RTN1: variants seen among roughly 807,000 people sequenced by gnomAD.
RTN1 encodes the protein reticulon-1.
RTN1 carries 25 observed loss-of-function variants against 65.5 expected under a neutral mutation model. That is an observed-to-expected ratio of 0.38 (90% CI 0.28 to 0.53). The LOEUF (loss-of-function observed/expected upper bound fraction) is 0.53, where lower values mean the gene tolerates loss of function less well. RTN1 is among the 20% of genes least tolerant of loss of function. RTN1 has a pLI of 0.79. For missense variants in RTN1, 983 were observed against 1,025.4 expected (o/e 0.96, Z 0.57); for synonymous variants, 471 against 447.6 (o/e 1.05, Z -0.66).
In RTN1 at chr14:59,633,682, C is replaced by T. The variant is rs146865836; in HGVS notation, c.1766-26190G>A. Among the ~76,000 whole-genome samples the T allele has an allele frequency of 1.1e-3, 174 of 152,350 alleles. 1 individual carries two copies. The highest frequency in any genetic ancestry group is 3.8e-3 in the African/African-American group (158 of 41,580). On this transcript the variant is annotated intron_variant, in intron 3 of 8. Transcript: ENST00000267484. ...TATCTTTAAACCAGTAGAGAACAGA[C>T]GGGCTTTATCTGCAGCCAGCTTAGA...
chr14:59,728,093 T>C (rs1395426303), intron 2 of RTN1, among the ~76,000 whole-genome samples: 1 of 152,164 alleles, frequency 6.6e-6, no homozygotes, highest in African/African-American at 2.4e-5. Context: ...TACAGCACTC[T>C]AATTGGGCCC....
At chr14:59,725,177 A>C (rs1884731514) in intron 3 of RTN1, among the ~76,000 whole-genome samples, 2 of 152,304 alleles carry the variant, frequency 1.3e-5, no homozygotes, top group South Asian at 2.1e-4. Context: ...TCAGCTCTTC[A>C]TCAGGTGTCT....
intron 2 of RTN1, among the ~76,000 whole-genome samples, chr14:59,736,871 C>A (rs1594710250): frequency 7.9e-6 from 1 of 126,612 alleles, no homozygotes; most frequent in Non-Finnish European, 1.7e-5. Context: ...ATATGCAAAT[C>A]AAAACATGTG....
At chr14:59,643,387 T>C (rs1447560693) in intron 3 of RTN1, among the ~76,000 whole-genome samples, 1 of 152,194 alleles carries the variant, frequency 6.6e-6, no homozygotes, top group African/African-American at 2.4e-5. Context: ...GCCTGGCTAA[T>C]TTTTGTATTT....
intron 1 of RTN1, among the ~76,000 whole-genome samples, chr14:59,792,770 C>G (rs1283119569): frequency 6.6e-6 from 1 of 152,058 alleles, no homozygotes; most frequent in Non-Finnish European, 1.5e-5. Context: ...TCAGAAAATA[C>G]TAGTAGGAAG....
At chr14:59,767,982 C>G (rs1013811732) in intron 1 of RTN1, among the ~76,000 whole-genome samples, 2 of 152,328 alleles carry the variant, frequency 1.3e-5, no homozygotes, top group Non-Finnish European at 2.9e-5. Flanking sequence ...TATAGTCACA[C>G]TATCTGTCAG....
intron 1 of RTN1, among the ~76,000 whole-genome samples, chr14:59,830,978 T>A (rs1168175449): frequency 2.0e-5 from 3 of 152,226 alleles, no homozygotes; most frequent in Admixed American, 6.5e-5. Flanking sequence ...TAAGTATGTT[T>A]TAGATCAGTT....
At chr14:59,758,180 G>A (rs1885677671) in intron 1 of RTN1, among the ~76,000 whole-genome samples, 1 of 151,964 alleles carries the variant, frequency 6.6e-6, no homozygotes, top group South Asian at 2.1e-4. Flanking sequence ...TACCTCCCTA[G>A]ACAGACACTT....
chr14:59,726,831 C>G, intron 3 of RTN1, 88 bp downstream of exon 3: 1 of 1,164,428 alleles, frequency 8.6e-7, no homozygotes, highest in Non-Finnish European at 1.2e-6. Flanking sequence ...GGGATGACTC[C>G]AGGGCTGAGC....
At chr14:59,776,294 T>A (rs1227515537) in intron 1 of RTN1, among the ~76,000 whole-genome samples, 1 of 152,086 alleles carries the variant, frequency 6.6e-6, no homozygotes, top group African/African-American at 2.4e-5. Context: ...CATGCCTTCA[T>A]GAAGGATTAA....
At chr14:59,715,867 G>GAA (rs1245291660) in intron 3 of RTN1, among the ~76,000 whole-genome samples, 13 of 149,848 alleles carry the variant, frequency 8.7e-5, no homozygotes, top group Non-Finnish European at 3.0e-5. Context: ...AGAGAAGGAA[G>GAA]AAAATAAAAG....
At chr14:59,701,258 T>G (rs1249148853) in intron 3 of RTN1, among the ~76,000 whole-genome samples, 2 of 152,214 alleles carry the variant, frequency 1.3e-5, no homozygotes, top group East Asian at 3.8e-4. Flanking sequence ...GAAAACAATT[T>G]GGTAGCTTCT....
At chr14:59,642,755 G>T (rs1445847794) in intron 3 of RTN1, among the ~76,000 whole-genome samples, 2 of 151,942 alleles carry the variant, frequency 1.3e-5, no homozygotes, top group African/African-American at 4.8e-5. Context: ...GTCTTTATCA[G>T]CCATATCCAA....
chr14:59,801,023 T>C (rs1341571101), intron 1 of RTN1, among the ~76,000 whole-genome samples: 1 of 150,792 alleles, frequency 6.6e-6, no homozygotes, highest in Non-Finnish European at 1.5e-5. Context: ...AAAAGATAAA[T>C]AACTAGAAAT....
At chr14:59,709,259 TTTTG>T (rs1884364118) in intron 3 of RTN1, among the ~76,000 whole-genome samples, 1 of 152,306 alleles carries the variant, frequency 6.6e-6, no homozygotes, top group South Asian at 2.1e-4. Flanking sequence ...AATTGTTAAA[TTTTG>T]TTTATCTATA....
At position 59,727,209 on chromosome 14, in the gene RTN1, G is replaced by T. The variant is rs760633702; in HGVS notation, c.1475C>A (p.Pro492His). ...CTCCCGGATGGCATCCAGGGCGCTG[G>T]GCTTCATCGGGGGTGAGTCCTGCTC... ...KREQDSPPMKPSALDAIREET... is the reference protein window; with the variant it reads ...KREQDSPPMKHSALDAIREET... The change falls in exon 3 of 9, where the codon CCC becomes CAC. Residue 492 changes from proline (P) to histidine (H), a missense_variant. Transcript: ENST00000267484. This position sits in a 1 kb window ranked among gnomAD's most constrained non-coding sequence, Gnocchi z 4.2. The T allele has an allele frequency of 3.2e-6, 5 of 1,574,668 alleles. No homozygotes were observed. The East Asian group carries it at 1.2e-4, about 36-fold the overall frequency.
chr14:59,839,074 CAG>C (rs1887265255), intron 1 of RTN1, among the ~76,000 whole-genome samples: 1 of 152,100 alleles, frequency 6.6e-6, no homozygotes, highest in Non-Finnish European at 1.5e-5. Context: ...CAAAATCTTC[CAG>C]AGTTCTCTCA....
intron 3 of RTN1, among the ~76,000 whole-genome samples, chr14:59,699,623 C>T (rs1294913103): frequency 6.6e-6 from 1 of 152,032 alleles, no homozygotes; most frequent in African/African-American, 2.4e-5. Flanking sequence ...TGACAATGGA[C>T]AAAAAGGAGA....
At position 59,629,538 on chromosome 14, in the gene RTN1, G is replaced by A. The variant is rs185495507; in HGVS notation, c.1766-22046C>T. Among the ~76,000 whole-genome samples the A allele has an allele frequency of 5.3e-3, 806 of 152,288 alleles. 1 individual carries two copies. Among genetic ancestry groups the A allele is most frequent in the South Asian group, 9.3e-3 (45 of 4,830 alleles). On this transcript the variant is annotated intron_variant, in intron 3 of 8. Coordinates refer to ENST00000267484, the MANE Select transcript of RTN1 (RefSeq NM_021136.3). ...CTTCAGAACCATCTTTGTTAAATATGAAAAGACACTACCTCCGACAAACAC... is the reference window on the plus strand; with the variant it reads ...CTTCAGAACCATCTTTGTTAAATATAAAAAGACACTACCTCCGACAAACAC...
Sources: allele counts gnomAD v4.1 joint callset (sites outside exome capture counted in the v4.1 genomes callset), GRCh38; gene constraint gnomAD v4.1.1; non-coding constraint Gnocchi (gnomAD v3.1); transcripts MANE v1.5; gene names NCBI Gene and HGNC (gene_info 2026-07-23, HGNC 2026-07-21).